Variants in ATP2A3 observed in about 807,000 individuals in gnomAD.
The protein encoded by ATP2A3 is sarcoplasmic/endoplasmic reticulum calcium ATPase 3.
ATP2A3 carries 61 observed loss-of-function variants against 106.8 expected under a neutral mutation model. The observed-to-expected ratio is 0.57, with a 90% CI of 0.46 to 0.71. The LOEUF is 0.71. ATP2A3 is among the 30% of genes least tolerant of loss of function. The pLI is 0.00. For missense variants in ATP2A3, 1,201 were observed against 1,423.5 expected (o/e 0.84, Z 2.52); for synonymous variants, 611 against 609.3 (o/e 1.00, Z -0.04).
intron 8 of ATP2A3, among the ~76,000 whole-genome samples, chr17:3,946,470 G>A (rs1006649019): frequency 1.1e-4 from 17 of 152,102 alleles, no homozygotes; most frequent in African/African-American, 4.1e-4. Flanking sequence ...CAGGAGAATC[G>A]CTTGAACCTG....
chr17:3,953,778 G>T lies in ATP2A3; in HGVS notation c.119-68C>A. ...GAGGAGTGGGTCACGCAGGGGCCTC[G>T]GGGGAGTCTGGCAGTGCCTCCCCAC... is the stretch of plus-strand genomic sequence containing the variant. On this transcript the variant is annotated intron_variant, in intron 1 of 20. Transcript: ENST00000397041. This position sits in a 1 kb window ranked among gnomAD's most constrained non-coding sequence, Gnocchi z 5.1. 1.3e-6 allele frequency: 2 copies of T among 1,527,622 alleles called. No homozygotes were observed. The highest frequency in any genetic ancestry group is 1.2e-5 in the South Asian group (1 of 83,590). The allele number at this position is 1,527,622 out of a possible 1,614,324, so 94.6% of individuals were successfully genotyped here.
chr17:3,949,597 G>T (rs1166524252), intron 7 of ATP2A3, among the ~76,000 whole-genome samples: 3 of 152,214 alleles, frequency 2.0e-5, no homozygotes, highest in Non-Finnish European at 4.4e-5. Flanking sequence ...CGTCCCAGCT[G>T]TGCCACTCAT....
At chr17:3,957,508 TCCTCCTGTCCAAAAGGC>T (rs979652662) in intron 1 of ATP2A3, among the ~76,000 whole-genome samples, 6 of 152,190 alleles carry the variant, frequency 3.9e-5, no homozygotes, top group African/African-American at 1.4e-4. Flanking sequence ...ACAGCCCAAA[TCCTCCTGTCCAAAAGGC>T]CCTGCTGGCC....
chr17:3,951,140 T>A (rs2054396873), intron 5 of ATP2A3, 111 bp downstream of exon 5: 4 of 1,086,464 alleles, frequency 3.7e-6, no homozygotes, highest in African/African-American at 1.6e-5. Flanking sequence ...GCCACTGCAC[T>A]CCAGTCTGGG....
At chr17:3,961,862 G>A (rs2055155119) in intron 1 of ATP2A3, among the ~76,000 whole-genome samples, 1 of 152,222 alleles carries the variant, frequency 6.6e-6, no homozygotes, top group Non-Finnish European at 1.5e-5. Context: ...GGCACAGAGA[G>A]GCAAAGAGGC....
intron 11 of ATP2A3, among the ~76,000 whole-genome samples, 166 bp downstream of exon 11, chr17:3,943,225 T>A (rs1325342475): frequency 1.3e-5 from 2 of 151,622 alleles, no homozygotes; most frequent in Admixed American, 6.6e-5. Context: ...TGAGCCAGGA[T>A]TGCACCATTG....
chr17:3,947,848 T>C lies in ATP2A3; in HGVS notation c.638A>G (p.Asn213Ser), dbSNP rs766546447. Residue 213 changes from asparagine (N) to serine (S), a missense_variant, in exon 8 of 21, where the codon AAT becomes AGT. Coordinates refer to ENST00000397041, the MANE Select transcript of ATP2A3 (RefSeq NM_005173.4). The surrounding 1 kb of genome is among the most constrained non-coding windows in gnomAD (Gnocchi z 7.7). The part of the protein sequence containing the change: ...DKKNMLFSGT[N>S]ITSGKAVGVA... ...ACCCACCGCTTTGCCCGATGTGATA[T>C]TGGTGCCCTGGCCAGGGGAGGGACA... The C allele has an allele frequency of 5.0e-6, 8 of 1,598,474 alleles. No homozygotes were observed. In the African/African-American group the frequency reaches 8.0e-5, roughly 16 times the overall value.
At chr17:3,927,416 C>T in intron 20 of ATP2A3, 1 of 985,412 alleles carries the variant, frequency 1.0e-6, no homozygotes, top group Non-Finnish European at 1.2e-6. Context: ...TGTCATGTCC[C>T]CAGAGGCCTG....
At chr17:3,954,332 GCAGTGAGGATC>G (rs2054629520) in intron 1 of ATP2A3, among the ~76,000 whole-genome samples, 2 of 151,792 alleles carry the variant, frequency 1.3e-5, no homozygotes, top group South Asian at 4.2e-4. Context: ...CCAGCACCCC[GCAGTGAGGATC>G]CCTCCCATGG....
At position 3,944,875 on chromosome 17, in the gene ATP2A3, C is replaced by T. The variant is rs1235849595; in HGVS notation, c.1185-69G>A. ...CCGAGAGGGGTCCGCCTCTTGGCCC[C>T]GCCCCTAGGAGGGGGCTCCGCCTCT... On this transcript the variant is annotated intron_variant, in intron 9 of 20. Coordinates refer to ENST00000397041, the MANE Select transcript of ATP2A3 (RefSeq NM_005173.4). The T allele has an allele frequency of 5.5e-6, 5 of 907,250 alleles. No homozygotes were observed. In the Admixed American group the frequency reaches 1.7e-4, roughly 30 times the overall value. 56.2% of individuals were successfully genotyped at this position (907,250 alleles called of 1,614,324 possible).
At chr17:3,959,165 T>C (rs61132187) in intron 1 of ATP2A3, among the ~76,000 whole-genome samples, 65,967 of 151,796 alleles carry the variant, frequency 0.43, 15,848 homozygotes, top group African/African-American at 0.65. Context: ...CCCAAGGTGC[T>C]GAGATGCCAA....
chr17:3,957,390 CTT>C (rs925486090), intron 1 of ATP2A3, among the ~76,000 whole-genome samples: 5 of 152,214 alleles, frequency 3.3e-5, no homozygotes, highest in Non-Finnish European at 7.3e-5. Flanking sequence ...CCTCCACTCT[CTT>C]TACCGCTCAC....
At chr17:3,931,304 T>C (rs35299172) in intron 17 of ATP2A3, among the ~76,000 whole-genome samples, 32,931 of 152,002 alleles carry the variant, frequency 0.22, 5,069 homozygotes, top group African/African-American at 0.44. Flanking sequence ...CGCTCAGGGC[T>C]GATAACCCCT....
chr17:3,957,191 G>A (rs745396916), intron 1 of ATP2A3, among the ~76,000 whole-genome samples: 3 of 152,214 alleles, frequency 2.0e-5, no homozygotes, highest in Non-Finnish European at 1.5e-5. Context: ...CTCATGATCC[G>A]CAAACAAGCT....
intron 20 of ATP2A3, chr17:3,927,517 C>T: frequency 2.0e-6 from 2 of 985,454 alleles, no homozygotes; most frequent in Non-Finnish European, 2.4e-6. Context: ...GGAGGATTTC[C>T]TGGCGGACCG....
chr17:3,935,112 C>T (rs565405967), intron 17 of ATP2A3, 80 bp downstream of exon 17: 28 of 1,429,608 alleles, frequency 2.0e-5, no homozygotes, highest in African/African-American at 1.7e-4. Flanking sequence ...GCCACCCATG[C>T]GGCTCTAGAC....
At chr17:3,961,663 CAT>C (rs1257914655) in intron 1 of ATP2A3, among the ~76,000 whole-genome samples, 3 of 152,116 alleles carry the variant, frequency 2.0e-5, no homozygotes, top group Non-Finnish European at 4.4e-5. Flanking sequence ...GGGGAGAACA[CAT>C]GTCTCTGGGG....
rs530258173 is a variant in ATP2A3 at position 3,925,420 on chromosome 17, G to A, written c.*2C>T. 6.2e-5 allele frequency: 100 copies of A among 1,613,758 alleles called. No homozygotes were observed. The highest frequency in any genetic ancestry group is 3.8e-4 in the South Asian group (35 of 91,044). ...CCGGAGACTCCACTCTGTTCCCAGC[G>A]CTCACTTCTGGCTCATTTCTTCTGG... On this transcript the variant is annotated 3_prime_UTR_variant, in exon 21 of 21. Transcript: ENST00000397041. The surrounding 1 kb of genome is among the most constrained non-coding windows in gnomAD (Gnocchi z 4.2).
At chr17:3,937,002 G>C (rs2053485291) in intron 15 of ATP2A3, 1 of 334,802 alleles carries the variant, frequency 3.0e-6, no homozygotes, top group African/African-American at 2.1e-5. Context: ...AAATGCACCA[G>C]AGCACACATG....
Sources: gnomAD v4.1 joint callset for allele counts (sites outside exome capture counted in the v4.1 genomes callset) on GRCh38, gnomAD v4.1.1 for gene constraint, Gnocchi (gnomAD v3.1) non-coding constraint, MANE v1.5 for transcripts, NCBI Gene and HGNC (gene_info 2026-07-23, HGNC 2026-07-21) for gene names.